CACNA1C: variants seen among roughly 807,000 people sequenced by gnomAD.
CACNA1C encodes calcium voltage-gated channel subunit alpha1 C, also known as voltage-dependent L-type calcium channel subunit alpha-1C.
A neutral mutation model predicts 229.0 loss-of-function variants in CACNA1C; 30 were observed. The observed-to-expected ratio is 0.13, with a 90% CI of 0.10 to 0.18. The LOEUF (loss-of-function observed/expected upper bound fraction) is 0.18, where lower values mean the gene tolerates loss of function less well. CACNA1C is among the 10% of genes least tolerant of loss of function. The probability of loss-of-function intolerance (pLI) is 1.00; values close to 1 mark genes in which losing one functional copy is unlikely to be tolerated. For synonymous variants in CACNA1C, 1,114 were observed against 1,132.5 expected (o/e 0.98, Z 0.33); for missense variants, 1,658 against 2,845.0 (o/e 0.58, Z 9.49).
chr12:2,363,352 T>C (rs1312980276), intron 3 of CACNA1C, among the ~76,000 whole-genome samples: 1 of 152,196 alleles, frequency 6.6e-6, no homozygotes, highest in Non-Finnish European at 1.5e-5. Flanking sequence ...CCTCTCCATA[T>C]CATTTCTATA....
chr12:2,458,166 C>T (rs1444459629), intron 5 of CACNA1C, among the ~76,000 whole-genome samples: 1 of 152,236 alleles, frequency 6.6e-6, no homozygotes, highest in Non-Finnish European at 1.5e-5. Context: ...ACCTTTCTCC[C>T]AGCCCTCTCC....
chr12:2,403,392 C>T lies in CACNA1C; in HGVS notation c.478-45584C>T, dbSNP rs953992931. 3.9e-5 allele frequency among the ~76,000 whole-genome samples: 6 copies of T among 152,144 alleles called. No individual in the cohort carries two copies. Among genetic ancestry groups the T allele is most frequent in the Middle Eastern group, 3.4e-3 (1 of 294 alleles). On this transcript the variant is annotated intron_variant, in intron 3 of 46. Coordinates refer to ENST00000399655, the MANE Select transcript of CACNA1C (RefSeq NM_000719.7). The surrounding 1 kb of genome is among the most constrained non-coding windows in gnomAD (Gnocchi z 4.1). The stretch of plus-strand genomic sequence containing the variant: ...ATGGCGTTGGAGGCAGGAGTGAGCG[C>T]GGAGCTGTGAGGACCCAGGGAGGAG...
chr12:2,510,028 C>T (rs12426658), intron 8 of CACNA1C, among the ~76,000 whole-genome samples: 8,912 of 152,252 alleles, frequency 0.059, 339 homozygotes, highest in Non-Finnish European at 0.09. Flanking sequence ...CCACACACAC[C>T]GCCCTGTGCA....
chr12:2,648,329 C>A, intron 30 of CACNA1C, 146 bp from the exon 31 acceptor site: 1 of 746,662 alleles, frequency 1.3e-6, no homozygotes, highest in South Asian at 1.6e-5. Context: ...CAGGACCTGC[C>A]AGGCCTACGC....
intron 25 of CACNA1C, 126 bp from the exon 26 acceptor site, chr12:2,606,858 C>T: frequency 8.5e-7 from 1 of 1,170,560 alleles, no homozygotes. Context: ...GAAGCTCCTC[C>T]CATGGCTAGA....
At chr12:2,552,250 G>A (rs1377792273) in intron 10 of CACNA1C, among the ~76,000 whole-genome samples, 1 of 152,234 alleles carries the variant, frequency 6.6e-6, no homozygotes, top group Non-Finnish European at 1.5e-5. Context: ...CAACAGGGAG[G>A]AAATTGACAC....
Position 2,556,907 on chromosome 12 carries a change from C to T in CACNA1C, c.1482-44C>T, listed in dbSNP as rs370259643. On this transcript the variant is annotated intron_variant, in intron 10 of 46. Coordinates refer to ENST00000399655, the MANE Select transcript of CACNA1C (RefSeq NM_000719.7). ...GACTGTTGACCGTCTTTTAAATGCA[C>T]GTGTGTGTCCATCCTTTGGTAACAT... 1.4e-4 allele frequency: 224 copies of T among 1,566,694 alleles called. 1 individual carries two copies. The highest frequency in any genetic ancestry group is 8.3e-4 in the Middle Eastern group (5 of 6,006).
At position 1,996,215 on chromosome 12, in the gene CACNA1C, T is replaced by G. The variant is rs114361004; in HGVS notation, c.139+25014T>G. Among the ~76,000 whole-genome samples the G allele has an allele frequency of 3.6e-3, 542 of 152,288 alleles. 2 individuals are homozygous for G. Among genetic ancestry groups the G allele is most frequent in the African/African-American group, 0.012 (485 of 41,554 alleles). On this transcript the variant is annotated intron_variant, in intron 1 of 46. Coordinates refer to the CACNA1C transcript ENST00000682462. ...TCCCCATGAAGTGAATACACTGACT[T>G]TCCCCATACATTTTCTCTATTACTC...
At chr12:2,323,245 A>T (rs1387468924) in intron 3 of CACNA1C, among the ~76,000 whole-genome samples, 2 of 152,186 alleles carry the variant, frequency 1.3e-5, no homozygotes, top group African/African-American at 4.8e-5. Flanking sequence ...GAAGTTCTGA[A>T]GATGTTCTTT....
At chr12:2,218,556 C>T (rs887383403) in intron 3 of CACNA1C, among the ~76,000 whole-genome samples, 3 of 152,142 alleles carry the variant, frequency 2.0e-5, no homozygotes, top group East Asian at 1.9e-4. Flanking sequence ...AGAAGTCCTA[C>T]GTCCAGCCTA....
intron 3 of CACNA1C, among the ~76,000 whole-genome samples, chr12:2,218,201 C>T (rs1226814413): frequency 1.3e-5 from 2 of 152,212 alleles, no homozygotes; most frequent in African/African-American, 2.4e-5. Context: ...TAGCCTCTCA[C>T]TCCCTGAGAT....
At chr12:2,169,635 A>C (rs186768158) in intron 3 of CACNA1C, among the ~76,000 whole-genome samples, 109 of 152,342 alleles carry the variant, frequency 7.2e-4, no homozygotes, top group African/African-American at 2.5e-3. Flanking sequence ...ATGTGGTCGC[A>C]GCATGTGACC....
chr12:2,237,128 A>G (rs1477284647), intron 3 of CACNA1C, among the ~76,000 whole-genome samples: 1 of 152,208 alleles, frequency 6.6e-6, no homozygotes, highest in Non-Finnish European at 1.5e-5. Flanking sequence ...GGGCTGGGGA[A>G]GACCAGACCT....
Position 2,611,897 on chromosome 12 carries a change from A to G in CACNA1C, c.3718-6A>G, listed in dbSNP as rs1438863424. 1 of 1,590,614 alleles carries G rather than the reference A, an allele frequency of 6.3e-7. No homozygotes were observed. ...TGTTCACAGCTCCTCCCCTCTCCTG[A>G]TGCAGCACTACGGCCAGAGCTGCCT... On this transcript the variant is annotated splice_polypyrimidine_tract_variant and splice_region_variant and intron_variant, in intron 28 of 46. Transcript: ENST00000399655.
chr12:2,338,688 C>T (rs1176184690), intron 3 of CACNA1C, among the ~76,000 whole-genome samples: 1 of 152,114 alleles, frequency 6.6e-6, no homozygotes, highest in African/African-American at 2.4e-5. Flanking sequence ...CAGCGAGCGA[C>T]CCGGTATGCC....
At chr12:2,384,208 A>G (rs2098325086) in intron 3 of CACNA1C, among the ~76,000 whole-genome samples, 1 of 152,220 alleles carries the variant, frequency 6.6e-6, no homozygotes, top group Non-Finnish European at 1.5e-5. Context: ...TCCTTGGCGG[A>G]GAATCGCGGG....
intron 19 of CACNA1C, among the ~76,000 whole-genome samples, chr12:2,593,989 G>T (rs576606726): frequency 1.3e-5 from 2 of 152,184 alleles, no homozygotes; most frequent in Non-Finnish European, 2.9e-5. Flanking sequence ...GTTTTGCTGT[G>T]TACACGATTT....
At chr12:2,576,063 C>T (rs780090220) in intron 13 of CACNA1C, among the ~76,000 whole-genome samples, 1 of 151,962 alleles carries the variant, frequency 6.6e-6, no homozygotes, top group Non-Finnish European at 1.5e-5. Context: ...ACATGGTGGT[C>T]GGCAAGTGAG....
At chr12:2,652,908 C>G (rs2095157476) in intron 32 of CACNA1C, among the ~76,000 whole-genome samples, 1 of 152,272 alleles carries the variant, frequency 6.6e-6, no homozygotes, top group Non-Finnish European at 1.5e-5. Context: ...CCCGACATCT[C>G]CTGGGGCTGG....
Sources: gnomAD v4.1 joint callset for allele counts (sites outside exome capture counted in the v4.1 genomes callset) on GRCh38, gnomAD v4.1.1 for gene constraint, Gnocchi (gnomAD v3.1) non-coding constraint, MANE v1.5 for transcripts, NCBI Gene and HGNC (gene_info 2026-07-23, HGNC 2026-07-21) for gene names.